BNC2: variants seen among roughly 807,000 people sequenced by gnomAD.
The protein encoded by BNC2 is basonuclin zinc finger protein 2, also known as zinc finger protein basonuclin-2.
A neutral mutation model predicts 76.3 loss-of-function variants in BNC2; 20 were observed. The observed-to-expected ratio is 0.26, with a 90% CI of 0.18 to 0.38. The LOEUF is 0.38. Ranked by LOEUF, BNC2 falls within the 10% of genes least tolerant of loss-of-function variation. The probability of loss-of-function intolerance (pLI) is 1.00; values close to 1 mark genes in which losing one functional copy is unlikely to be tolerated. For missense variants in BNC2, 1,382 were observed against 1,399.8 expected, an observed-to-expected ratio of 0.99 and a Z score of 0.20; for synonymous variants, 582 against 514.8, an observed-to-expected ratio of 1.13 and a Z score of -1.77.
chr9:16,589,009 T>G (rs12002248), intron 3 of BNC2, among the ~76,000 whole-genome samples: 2 of 152,100 alleles, frequency 1.3e-5, no homozygotes, highest in African/African-American at 2.4e-5. Context: ...TTTGGGCAAA[T>G]AGAAGCATAA....
intron 4 of BNC2, among the ~76,000 whole-genome samples, chr9:16,553,124 C>T (rs1344503211): frequency 2.6e-5 from 4 of 152,284 alleles, no homozygotes; most frequent in African/African-American, 4.8e-5. Flanking sequence ...ACCCGAGTGA[C>T]GATGGTGTCC....
At chr9:16,701,436 AATAAG>A (rs1823508026) in intron 3 of BNC2, among the ~76,000 whole-genome samples, 2 of 152,344 alleles carry the variant, frequency 1.3e-5, no homozygotes, top group African/African-American at 2.4e-5. Context: ...TGTAAGCATA[AATAAG>A]ATATCATGAC....
At chr9:16,655,647 A>T (rs1587279050) in intron 3 of BNC2, among the ~76,000 whole-genome samples, 1 of 152,254 alleles carries the variant, frequency 6.6e-6, no homozygotes, top group Non-Finnish European at 1.5e-5. Context: ...TTTTGAAATA[A>T]TTCTAACAAA....
intron 1 of BNC2, among the ~76,000 whole-genome samples, chr9:16,807,155 T>G (rs1817936017): frequency 6.6e-6 from 1 of 152,228 alleles, no homozygotes; most frequent in South Asian, 2.1e-4. Context: ...TTAGTATCCT[T>G]CTTGTTTGAA....
intron 3 of BNC2, among the ~76,000 whole-genome samples, chr9:16,617,286 T>C (rs1438625293): frequency 6.6e-6 from 1 of 152,182 alleles, no homozygotes; most frequent in Non-Finnish European, 1.5e-5. Flanking sequence ...CTTAGCCACA[T>C]GTAAATTGAA....
intron 1 of BNC2, among the ~76,000 whole-genome samples, chr9:16,818,785 C>T (rs932956927): frequency 2.0e-5 from 3 of 152,018 alleles, no homozygotes; most frequent in African/African-American, 7.3e-5. Flanking sequence ...CCTCAACCAC[C>T]CAAGTAGCTG....
intron 1 of BNC2, among the ~76,000 whole-genome samples, chr9:16,811,254 C>A (rs545061257): frequency 1.2e-3 from 112 of 92,936 alleles, no homozygotes; most frequent in African/African-American, 3.6e-3. Context: ...ACCAAAAAAA[C>A]CACAGTGTAT....
intron 5 of BNC2, among the ~76,000 whole-genome samples, chr9:16,471,857 G>C (rs550216948): frequency 9.2e-5 from 14 of 152,248 alleles, no homozygotes; most frequent in African/African-American, 3.1e-4. Context: ...AGGCACCGAG[G>C]GGGAGGTAAC....
chr9:16,495,341 T>C (rs886198179), intron 5 of BNC2, among the ~76,000 whole-genome samples: 4 of 152,208 alleles, frequency 2.6e-5, no homozygotes, highest in African/African-American at 9.6e-5. Flanking sequence ...CTGTTCCATA[T>C]AGTGAGATCA....
chr9:16,482,448 T>C (rs1229127219), intron 5 of BNC2, among the ~76,000 whole-genome samples: 1 of 150,162 alleles, frequency 6.7e-6, no homozygotes, highest in Non-Finnish European at 1.5e-5. Flanking sequence ...AAACTCAAAC[T>C]AATAGGCAGA....
intron 3 of BNC2, among the ~76,000 whole-genome samples, chr9:16,671,613 T>C (rs1226286436): frequency 1.3e-5 from 2 of 152,168 alleles, no homozygotes; most frequent in African/African-American, 4.8e-5. Context: ...AAACTGGACA[T>C]ACAGCTCATA....
chr9:16,783,234 G>A (rs1276399052), intron 1 of BNC2, among the ~76,000 whole-genome samples: 1 of 152,118 alleles, frequency 6.6e-6, no homozygotes, highest in Non-Finnish European at 1.5e-5. Flanking sequence ...TTCAGATGTT[G>A]CTTTTATTCA....
intron 3 of BNC2, among the ~76,000 whole-genome samples, chr9:16,598,501 G>A (rs543802879): frequency 2.2e-4 from 33 of 152,296 alleles, no homozygotes; most frequent in Middle Eastern, 6.8e-3. Context: ...TCACATAAGA[G>A]AGACAAAAGA....
chr9:16,638,538 T>C (rs1008001941), intron 3 of BNC2, among the ~76,000 whole-genome samples: 2 of 152,200 alleles, frequency 1.3e-5, no homozygotes, highest in African/African-American at 2.4e-5. Flanking sequence ...TTCCTACACA[T>C]GATTCTTCAG....
Position 16,479,216 on chromosome 9 carries a change from C to A in BNC2, c.670-41692G>T, listed in dbSNP as rs10962439. On this transcript the variant is annotated intron_variant, in intron 5 of 6. Coordinates refer to ENST00000380672, the MANE Select transcript of BNC2 (RefSeq NM_017637.6). ...GCAGTGAGCCCACTGCGCCACTGTA[C>A]TCCAGCCTGGGCGACAGAACGAGAC... 8.9e-3 allele frequency among the ~76,000 whole-genome samples: 1,311 copies of A among 147,194 alleles called. 9 individuals carry two copies. Among genetic ancestry groups the A allele is most frequent in the Non-Finnish European group, 0.014 (966 of 67,642 alleles).
At chr9:16,578,703 TATCTTA>T (rs894795233) in intron 4 of BNC2, among the ~76,000 whole-genome samples, 5 of 152,174 alleles carry the variant, frequency 3.3e-5, no homozygotes, top group Non-Finnish European at 7.3e-5. Flanking sequence ...CTTATCCTGA[TATCTTA>T]ATCTTATTTT....
chr9:16,673,984 A>G (rs2134209346), intron 3 of BNC2, among the ~76,000 whole-genome samples: 1 of 152,334 alleles, frequency 6.6e-6, no homozygotes, highest in Non-Finnish European at 1.5e-5. Context: ...AACATTTTAC[A>G]TTTAATTTTA....
chr9:16,497,242 T>C (rs567174004), intron 5 of BNC2, among the ~76,000 whole-genome samples: 1 of 152,252 alleles, frequency 6.6e-6, no homozygotes, highest in Non-Finnish European at 1.5e-5. Context: ...GATGTAGGCC[T>C]AATTTCTAGA....
intron 5 of BNC2, among the ~76,000 whole-genome samples, chr9:16,474,740 A>T (rs546040839): frequency 1.3e-4 from 20 of 152,190 alleles, no homozygotes; most frequent in Non-Finnish European, 2.6e-4. Context: ...AAAAAAATCA[A>T]ATTGGTAGAA....
Sources: allele counts gnomAD v4.1 joint callset (sites outside exome capture counted in the v4.1 genomes callset), GRCh38; gene constraint gnomAD v4.1.1; transcripts MANE v1.5; gene names NCBI Gene and HGNC (gene_info 2026-07-23, HGNC 2026-07-21).